Variants in CRADD observed in about 807,000 individuals in gnomAD.
CRADD encodes the protein death domain-containing protein CRADD.
CRADD carries 9 observed loss-of-function variants against 15.5 expected under a neutral mutation model. The ratio of observed to expected loss-of-function variants is 0.58; its 90% CI spans 0.35 to 1.01. The LOEUF is 1.01. Among genes scored for constraint, CRADD ranks in the 50% least tolerant of loss-of-function variants. The probability of loss-of-function intolerance (pLI) is 0.02; values close to 1 mark genes in which losing one functional copy is unlikely to be tolerated. For missense variants in CRADD, 227 were observed against 250.3 expected (o/e 0.91, Z 0.63); for synonymous variants, 118 against 107.6 (o/e 1.10, Z -0.60).
chr12:93,890,495 C>T (rs371935944), intron 2 of CRADD, among the ~76,000 whole-genome samples: 4 of 152,128 alleles, frequency 2.6e-5, no homozygotes, highest in African/African-American at 4.8e-5. Flanking sequence ...CAATAAGACA[C>T]GCTCCCGCAG....
chr12:93,806,451 CAAAAAAAAAAA>C (rs59372325), intron 2 of CRADD, among the ~76,000 whole-genome samples: 3 of 59,212 alleles, frequency 5.1e-5, no homozygotes, highest in African/African-American at 1.1e-4. Flanking sequence ...GACTCCATCT[CAAAAAAAAAAA>C]AAAAAAAAAA....
intron 2 of CRADD, among the ~76,000 whole-genome samples, chr12:93,727,610 C>T (rs966355611): frequency 6.6e-6 from 1 of 152,122 alleles, no homozygotes; most frequent in Non-Finnish European, 1.5e-5. Flanking sequence ...GCTGTAGTAA[C>T]TCAGCTGGAC....
intron 2 of CRADD, among the ~76,000 whole-genome samples, chr12:93,889,349 C>T (rs1958560017): frequency 6.6e-6 from 1 of 152,112 alleles, no homozygotes; most frequent in African/African-American, 2.4e-5. Context: ...TGACAGAGCC[C>T]AGCTCAGGTT....
chr12:93,712,923 T>A (rs995619180), intron 2 of CRADD, among the ~76,000 whole-genome samples: 11 of 152,008 alleles, frequency 7.2e-5, no homozygotes. Context: ...CTGAGCTTGG[T>A]GGCAGAATTG....
intron 2 of CRADD, among the ~76,000 whole-genome samples, chr12:93,728,882 A>C (rs1236831478): frequency 1.3e-5 from 2 of 152,230 alleles, no homozygotes; most frequent in Non-Finnish European, 2.9e-5. Context: ...CATTTATTGA[A>C]ATAAAAGAGA....
intron 2 of CRADD, among the ~76,000 whole-genome samples, chr12:93,798,602 G>A (rs1957445479): frequency 6.6e-6 from 1 of 152,106 alleles, no homozygotes; most frequent in Non-Finnish European, 1.5e-5. Flanking sequence ...ACTCAAATAG[G>A]CTCCAGAGAC....
At chr12:93,859,207 TA>T in intron 2 of CRADD, 1 of 429,366 alleles carries the variant, frequency 2.3e-6, no homozygotes, top group Non-Finnish European at 4.6e-6. Context: ...TTTTTAGGGT[TA>T]ATGTAAGTGC....
At chr12:93,724,178 G>A (rs1230609593) in intron 2 of CRADD, among the ~76,000 whole-genome samples, 3 of 152,044 alleles carry the variant, frequency 2.0e-5, no homozygotes, top group African/African-American at 7.2e-5. Context: ...CCAGGAATTC[G>A]AGGCCAGCCT....
At chr12:93,744,490 C>T (rs995620398) in intron 2 of CRADD, among the ~76,000 whole-genome samples, 5 of 152,196 alleles carry the variant, frequency 3.3e-5, no homozygotes, top group Admixed American at 6.5e-5. Flanking sequence ...AGGCTAATCT[C>T]GCTAGTCAAC....
At chr12:93,822,514 G>A (rs1289409587) in intron 2 of CRADD, among the ~76,000 whole-genome samples, 1 of 152,184 alleles carries the variant, frequency 6.6e-6, no homozygotes, top group Admixed American at 6.5e-5. Context: ...GGCAACTCCA[G>A]ACCTCATCCT....
chr12:93,832,901 T>G (rs1365135139), intron 2 of CRADD, among the ~76,000 whole-genome samples: 1 of 152,246 alleles, frequency 6.6e-6, no homozygotes, highest in African/African-American at 2.4e-5. Flanking sequence ...AATAGTTATC[T>G]GAGCATTTTG....
intron 2 of CRADD, among the ~76,000 whole-genome samples, chr12:93,882,154 G>T (rs1565947812): frequency 6.7e-6 from 1 of 150,168 alleles, no homozygotes; most frequent in Non-Finnish European, 1.5e-5. Flanking sequence ...AGGCACGGTG[G>T]CTCATGCCTG....
chr12:93,749,939 A>G lies in CRADD; in HGVS notation c.298+70867A>G, dbSNP rs1956811243. Among the ~76,000 whole-genome samples, 3 of 152,202 alleles carry G rather than the reference A, an allele frequency of 2.0e-5. No homozygotes were observed. The South Asian group carries it at 6.2e-4, about 32-fold the overall frequency. On this transcript the variant is annotated intron_variant, in intron 2 of 2. Coordinates refer to ENST00000332896, the MANE Select transcript of CRADD (RefSeq NM_003805.5). ...ACAAACCTAAAACAGCTCCTTGTACATAGTAGGTACTCAGGACATGTTTGT... is the reference window on the plus strand; with the variant it reads ...ACAAACCTAAAACAGCTCCTTGTACGTAGTAGGTACTCAGGACATGTTTGT...
chr12:93,783,865 A>G (rs1162807120), intron 2 of CRADD, among the ~76,000 whole-genome samples: 1 of 152,196 alleles, frequency 6.6e-6, no homozygotes, highest in East Asian at 1.9e-4. Context: ...TACTTACTGA[A>G]AAAATGACAT....
chr12:93,806,175 C>T (rs1195267491), intron 2 of CRADD, among the ~76,000 whole-genome samples: 4 of 151,942 alleles, frequency 2.6e-5, no homozygotes, highest in African/African-American at 4.8e-5. Context: ...GAGAGGTGGC[C>T]GGGCGCAGTG....
At chr12:93,861,849 G>T (rs541306432) in intron 2 of CRADD, among the ~76,000 whole-genome samples, 43 of 152,188 alleles carry the variant, frequency 2.8e-4, no homozygotes, top group Middle Eastern at 3.4e-3. Context: ...TTGAAGACAG[G>T]GTGATATGGT....
rs552247012 is a variant in CRADD at position 93,792,986 on chromosome 12, C to T, written c.299-56984C>T. Among the ~76,000 whole-genome samples, 154 of 152,190 alleles carry T rather than the reference C, an allele frequency of 1.0e-3. 1 individual carries two copies. The highest frequency in any genetic ancestry group is 1.9e-3 in the Non-Finnish European group (126 of 68,012). Reference sequence around the variant, plus strand: ...TCTTTGTATCTAGGATCACAGATAACTGAAGATTGAACAAGTTGCAAATTT... The same window carrying T: ...TCTTTGTATCTAGGATCACAGATAATTGAAGATTGAACAAGTTGCAAATTT... On this transcript the variant is annotated intron_variant, in intron 2 of 2. Transcript: ENST00000332896.
chr12:93,874,966 T>A (rs1732918942), intron 2 of CRADD, among the ~76,000 whole-genome samples: 1 of 152,114 alleles, frequency 6.6e-6, no homozygotes, highest in South Asian at 2.1e-4. Flanking sequence ...AAGTCTGATA[T>A]TTCTTTGTTG....
intron 2 of CRADD, among the ~76,000 whole-genome samples, chr12:93,860,583 C>G (rs1958312691): frequency 6.6e-6 from 1 of 152,092 alleles, no homozygotes; most frequent in South Asian, 2.1e-4. Flanking sequence ...GAGAAGACCC[C>G]CACAAGAAGG....
Sources: gnomAD v4.1 joint callset for allele counts (sites outside exome capture counted in the v4.1 genomes callset) on GRCh38, gnomAD v4.1.1 for gene constraint, MANE v1.5 for transcripts, NCBI Gene and HGNC (gene_info 2026-07-23, HGNC 2026-07-21) for gene names.